The following PPM1F variants were observed in gnomAD, a reference collection of about 807,000 sequenced individuals.
The protein encoded by PPM1F is protein phosphatase 1F.
PPM1F carries 17 observed loss-of-function variants against 35.5 expected under a neutral mutation model. The observed-to-expected ratio is 0.48, with a 90% CI of 0.33 to 0.72. The LOEUF is 0.72. Among genes scored for constraint, PPM1F ranks in the 30% least tolerant of loss-of-function variants. The probability of loss-of-function intolerance (pLI) is 0.02; values close to 1 mark genes in which losing one functional copy is unlikely to be tolerated. For missense variants in PPM1F, 521 were observed against 613.0 expected (o/e 0.85, Z 1.59); for synonymous variants, 241 against 255.5 (o/e 0.94, Z 0.54).
intron 2 of PPM1F, 109 bp downstream of exon 2, chr22:21,945,734 G>T: frequency 8.7e-7 from 1 of 1,152,244 alleles, no homozygotes; most frequent in Non-Finnish European, 1.2e-6. Context: ...ATCCGGGGCT[G>T]CAGATCCCCG....
chr22:21,943,008 A>G (rs2070741523), intron 2 of PPM1F: 1 of 152,306 alleles, frequency 6.6e-6, no homozygotes, highest in African/African-American at 2.4e-5. Context: ...AGTGTACGGT[A>G]TGCACTGCTC....
chr22:21,936,672 T>G (rs993365102), intron 3 of PPM1F: 2 of 152,206 alleles, frequency 1.3e-5, no homozygotes, highest in Non-Finnish European at 2.9e-5. Flanking sequence ...GTGAGGATGC[T>G]CAAGCAGCGC....
rs1227419303 is a variant in PPM1F at position 21,921,785 on chromosome 22, C to T, written c.*1307G>A. ...TTTCCCAATGAGACCAATTTGATTA[C>T]AAATTCACAAGATATTTGGGAATGT... On this transcript the variant is annotated 3_prime_UTR_variant, in exon 8 of 8. Transcript: ENST00000263212. 6.6e-6 allele frequency: 1 copy of T among 152,246 alleles called. No individual in the cohort carries two copies. The highest frequency in any genetic ancestry group is 1.5e-5 in the Non-Finnish European group (1 of 68,044). 9.4% of individuals were successfully genotyped at this position (152,246 alleles called of 1,614,324 possible). A position where few individuals can be genotyped will look rare whatever the true frequency, so the allele number is the denominator to read the frequency against.
chr22:21,930,387 T>C (rs539558140), intron 6 of PPM1F, among the ~76,000 whole-genome samples: 5 of 152,332 alleles, frequency 3.3e-5, no homozygotes, highest in African/African-American at 1.2e-4. Context: ...CTCTGAGCAA[T>C]TAATGCTGCA....
intron 3 of PPM1F, chr22:21,938,275 C>A: frequency 7.8e-7 from 1 of 1,280,222 alleles, no homozygotes; most frequent in South Asian, 1.3e-5. Flanking sequence ...GCGGTGGCGG[C>A]GCCCCCTTGG....
At chr22:21,933,686 C>T in intron 4 of PPM1F, 107 bp from the exon 5 acceptor site, 1 of 1,042,574 alleles carries the variant, frequency 9.6e-7, no homozygotes, top group Non-Finnish European at 1.4e-6. Context: ...TCAGTATGGC[C>T]TTCGCCCGGC....
Position 21,939,269 on chromosome 22 carries a change from T to C in PPM1F, c.355+263A>G. 1 of 490,114 alleles carries C rather than the reference T, an allele frequency of 2.0e-6. No individual in the cohort carries two copies. The highest frequency in any genetic ancestry group is 1.9e-5 in the African/African-American group (1 of 51,482). 30.4% of individuals were successfully genotyped at this position (490,114 alleles called of 1,614,324 possible). On this transcript the variant is annotated intron_variant, in intron 3 of 7. Transcript: ENST00000263212. The surrounding 1 kb of genome is among the most constrained non-coding windows in gnomAD (Gnocchi z 5.1). ...TTCCTGGGCTGTTCTGGAACTTCAG[T>C]CAGACAGGACACAGGAGGGTGTCTG...
chr22:21,945,740 C>A lies in PPM1F; in HGVS notation c.206+103G>T, dbSNP rs1046879554. On this transcript the variant is annotated intron_variant, in intron 2 of 7. Transcript: ENST00000263212. ...TGCATAGGGATCCGGGGCTGCAGAT[C>A]CCCGTGTGGGGCTGGACGTGTAGGG... 12 of 1,228,490 alleles carry A rather than the reference C, an allele frequency of 9.8e-6. No homozygotes were observed. The African/African-American group carries it at 1.7e-4, about 17-fold the overall frequency. 76.1% of individuals were successfully genotyped at this position (1,228,490 alleles called of 1,614,324 possible).
chr22:21,933,301 C>T, intron 5 of PPM1F, 90 bp downstream of exon 5: 1 of 1,255,388 alleles, frequency 8.0e-7, no homozygotes, highest in East Asian at 2.4e-5. Flanking sequence ...CTTCCAGCAC[C>T]ACCAGCCCCT....
chr22:21,947,196 C>CTGCCT (rs1466778028), intron 1 of PPM1F: 1 of 152,770 alleles, frequency 6.5e-6, no homozygotes, highest in Non-Finnish European at 1.5e-5. Context: ...CCCAGCCTGC[C>CTGCCT]TGCCTTGCCT....
intron 6 of PPM1F, among the ~76,000 whole-genome samples, chr22:21,926,275 G>A (rs771009783): frequency 2.6e-5 from 4 of 152,052 alleles, no homozygotes; most frequent in East Asian, 1.9e-4. Context: ...GTGACTACAG[G>A]GGCGTGCCAC....
intron 5 of PPM1F, 126 bp downstream of exon 5, chr22:21,933,265 G>A (rs2070614288): frequency 1.1e-6 from 1 of 878,150 alleles, no homozygotes. Context: ...AAAATGGCAG[G>A]ACCACCGGCA....
In PPM1F at chr22:21,939,879, A is replaced by C. The variant is rs893796642; in HGVS notation, c.207-199T>G. On this transcript the variant is annotated intron_variant, in intron 2 of 7. Coordinates refer to ENST00000263212, the MANE Select transcript of PPM1F (RefSeq NM_014634.4). This position sits in a 1 kb window ranked among gnomAD's most constrained non-coding sequence, Gnocchi z 5.1. ...CTGGTGGGGAGCTGGACCATACTTG[A>C]GCCTGCGGCTAGTTGGGAGGGGGCT... is the stretch of plus-strand genomic sequence containing the variant. 6.6e-6 allele frequency among the ~76,000 whole-genome samples: 1 copy of C among 152,128 alleles called. No individual in the cohort carries two copies. The highest frequency in any genetic ancestry group is 1.5e-5 in the Non-Finnish European group (1 of 68,018).
chr22:21,921,637 C>T lies in PPM1F; in HGVS notation c.*1455G>A, dbSNP rs959454347. ...GCAAGGCAGGCGTGCTGCCAGCCAC[C>T]GCGGCAAGGTGAGGGGCTGTGGCCT... On this transcript the variant is annotated 3_prime_UTR_variant, in exon 8 of 8. Transcript: ENST00000263212. 9 of 152,360 alleles carry T rather than the reference C, an allele frequency of 5.9e-5. No individual in the cohort carries two copies. The East Asian group carries it at 9.6e-4, about 16-fold the overall frequency. The allele number at this position is 152,360 out of a possible 1,614,324, so 9.4% of individuals were successfully genotyped here.
At chr22:21,935,224 C>T (rs921728023) in intron 3 of PPM1F, 5 of 152,206 alleles carry the variant, frequency 3.3e-5, no homozygotes, top group African/African-American at 1.2e-4. Flanking sequence ...GGGCTAATCT[C>T]CAGAGAATTA....
chr22:21,926,815 T>C (rs898228451), intron 6 of PPM1F, among the ~76,000 whole-genome samples: 1 of 152,090 alleles, frequency 6.6e-6, no homozygotes, highest in Non-Finnish European at 1.5e-5. Context: ...ATGCCCCAGG[T>C]GATGGTGTCC....
intron 2 of PPM1F, chr22:21,943,903 G>A (rs2145806401): frequency 6.6e-6 from 1 of 152,426 alleles, no homozygotes; most frequent in Middle Eastern, 3.4e-3. Flanking sequence ...GCTTTGCCCG[G>A]TCACCTCATG....
intron 6 of PPM1F, among the ~76,000 whole-genome samples, chr22:21,928,837 A>G (rs1033213917): frequency 6.2e-5 from 9 of 144,218 alleles, no homozygotes; most frequent in Admixed American, 7.0e-5. Context: ...GCTCCATTCC[A>G]TTCATCTCTC....
In PPM1F at chr22:21,946,002, G is replaced by C; in HGVS notation, c.47C>G (p.Ala16Gly). Residue 16 changes from alanine to glycine, a missense_variant, in exon 2 of 8, where the codon GCT becomes GGT. Around this residue, in one of 3 missense-constraint regions of PPM1F, gnomAD observed 311 missense variants for 351.5 expected, o/e 0.88. Transcript: ENST00000263212. ...GTCCAGGAAGCCTGGGGTCTCCTCA[G>C]CTCCACTGGCCATTGGGCTGCTCTT... ...PQKSSPMASG[A>G]EETPGFLDTL... The C allele has an allele frequency of 6.3e-7, 1 of 1,599,498 alleles. No homozygotes were observed. Among genetic ancestry groups the C allele is most frequent in the Non-Finnish European group, 8.5e-7 (1 of 1,172,094 alleles).
Sources: allele counts gnomAD v4.1 joint callset (sites outside exome capture counted in the v4.1 genomes callset), GRCh38; gene constraint gnomAD v4.1.1; regional missense constraint gnomAD v4.1.1; non-coding constraint Gnocchi (gnomAD v3.1); transcripts MANE v1.5; gene names NCBI Gene and HGNC (gene_info 2026-07-23, HGNC 2026-07-21).